Variants in SESTD1 observed in about 807,000 individuals in gnomAD.
SESTD1 encodes the protein SEC14 and spectrin domain containing 1, also known as SEC14 domain and spectrin repeat-containing protein 1.
In SESTD1, 43 loss-of-function variants were observed where a neutral mutation model predicts 101.7. The observed-to-expected ratio is 0.42, with a 90% CI of 0.33 to 0.55. The LOEUF is 0.55. Among genes scored for constraint, SESTD1 ranks in the 20% least tolerant of loss-of-function variants. SESTD1 has a pLI of 0.07. For synonymous variants in SESTD1, 283 were observed against 286.8 expected, an observed-to-expected ratio of 0.99 and a Z score of 0.13; for missense variants, 647 against 815.1, an observed-to-expected ratio of 0.79 and a Z score of 2.51.
chr2:179,252,022 A>T (rs1157083181), intron 1 of SESTD1, among the ~76,000 whole-genome samples: 1 of 152,230 alleles, frequency 6.6e-6, no homozygotes, highest in African/African-American at 2.4e-5. Context: ...ACAGTATCTG[A>T]TGTCAGCAAA....
Position 179,253,113 on chromosome 2 carries a change from C to A in SESTD1, c.-26+11386G>T, listed in dbSNP as rs532509988. Among the ~76,000 whole-genome samples, 68 of 152,222 alleles carry A rather than the reference C, an allele frequency of 4.5e-4. 2 individuals carry two copies. In the South Asian group the frequency reaches 0.013, roughly 30 times the overall value. On this transcript the variant is annotated intron_variant, in intron 1 of 17. Coordinates refer to ENST00000428443, the MANE Select transcript of SESTD1 (RefSeq NM_178123.5). ...CAAACATGGGAAAAGAGCAAAGGAC[C>A]ACCACCACTACTACCCCCATCCAGC...
At chr2:179,235,854 G>C (rs1000638305) in intron 1 of SESTD1, among the ~76,000 whole-genome samples, 2 of 152,118 alleles carry the variant, frequency 1.3e-5, no homozygotes, top group African/African-American at 4.8e-5. Context: ...GCAACTCTCT[G>C]AACTTGCAAT....
intron 5 of SESTD1, 51 bp from the exon 6 acceptor site, chr2:179,151,442 C>A (rs746311731): frequency 6.5e-5 from 87 of 1,337,016 alleles, no homozygotes; most frequent in Middle Eastern, 5.5e-4. Context: ...CTATTAAAAT[C>A]CACGAAAGTA....
Position 179,173,325 on chromosome 2 carries a change from G to A in SESTD1, c.256-1092C>T, listed in dbSNP as rs186041205. ...TTCTTCATAGCATTTATCACCATGG[G>A]CTGTTACGTTTGCTTAACTGCTTAT... On this transcript the variant is annotated intron_variant, in intron 4 of 17. Coordinates refer to ENST00000428443, the MANE Select transcript of SESTD1 (RefSeq NM_178123.5). Among the ~76,000 whole-genome samples, 174 of 152,042 alleles carry A rather than the reference G, an allele frequency of 1.1e-3. 1 individual carries two copies. Among genetic ancestry groups the A allele is most frequent in the Non-Finnish European group, 1.4e-3 (93 of 68,008 alleles).
intron 1 of SESTD1, among the ~76,000 whole-genome samples, chr2:179,208,226 T>G (rs1331858203): frequency 7.4e-6 from 1 of 135,020 alleles, no homozygotes; most frequent in Non-Finnish European, 1.6e-5. Flanking sequence ...TGAGATTATG[T>G]TAAAACAACC....
rs1574043892 is a variant in SESTD1 at position 179,218,349 on chromosome 2, A to C, written c.-25-26483T>G. Among the ~76,000 whole-genome samples the C allele has an allele frequency of 2.6e-5, 4 of 152,278 alleles. No individual in the cohort carries two copies. In the South Asian group the frequency reaches 8.3e-4, roughly 32 times the overall value. On this transcript the variant is annotated intron_variant, in intron 1 of 17. Transcript: ENST00000428443. ...GGCTAAGAAATGAAAGAATTAAGGA[A>C]TTCACAACATTCGTAACAAAAAAAA... is the stretch of plus-strand genomic sequence containing the variant.
At chr2:179,171,348 T>C (rs1047907928) in intron 5 of SESTD1, among the ~76,000 whole-genome samples, 24 of 152,176 alleles carry the variant, frequency 1.6e-4, no homozygotes, top group African/African-American at 5.8e-4. Flanking sequence ...CTTTTCTCCA[T>C]ACCAAAAATA....
At chr2:179,167,966 T>C (rs961427577) in intron 5 of SESTD1, among the ~76,000 whole-genome samples, 1 of 152,158 alleles carries the variant, frequency 6.6e-6, no homozygotes. Flanking sequence ...TTTCACCATA[T>C]TGGTCAGACC....
At chr2:179,141,085 A>G (rs1214428368) in intron 9 of SESTD1, among the ~76,000 whole-genome samples, 2 of 152,170 alleles carry the variant, frequency 1.3e-5, no homozygotes, top group African/African-American at 4.8e-5. Flanking sequence ...CGCACAGATG[A>G]CAAACAAATA....
intron 4 of SESTD1, among the ~76,000 whole-genome samples, chr2:179,173,670 G>A (rs1817803): frequency 1 from 152,214 of 152,302 alleles, 76,063 homozygotes; most frequent in Non-Finnish European, 1. Context: ...ACACTACTTC[G>A]TATGCTCTGA....
intron 4 of SESTD1, chr2:179,174,376 G>A (rs1575461639): frequency 4.5e-6 from 2 of 442,102 alleles, no homozygotes; most frequent in East Asian, 7.2e-5. Context: ...AATCGCAAGA[G>A]GGGATTAAAT....
intron 5 of SESTD1, chr2:179,162,545 C>T (rs982168093): frequency 6.6e-6 from 1 of 151,858 alleles, no homozygotes; most frequent in Non-Finnish European, 1.5e-5. Flanking sequence ...ATAAGAAAAA[C>T]TACCTAAATC....
intron 1 of SESTD1, among the ~76,000 whole-genome samples, chr2:179,255,050 G>A (rs1463336341): frequency 3.9e-5 from 6 of 152,102 alleles, no homozygotes; most frequent in Non-Finnish European, 5.9e-5. Flanking sequence ...ATAAGATGGC[G>A]AACTTAATCA....
intron 13 of SESTD1, 32 bp downstream of exon 13, chr2:179,121,738 T>C: frequency 6.6e-7 from 1 of 1,520,354 alleles, no homozygotes; most frequent in Non-Finnish European, 8.8e-7. Context: ...TGTTATTATT[T>C]TAGTAAAAAG....
At chr2:179,138,968 G>C (rs1357939823) in intron 9 of SESTD1, among the ~76,000 whole-genome samples, 1 of 147,078 alleles carries the variant, frequency 6.8e-6, no homozygotes, top group Non-Finnish European at 1.5e-5. Flanking sequence ...CCTTGTTATT[G>C]ATCTTTAGAA....
intron 10 of SESTD1, among the ~76,000 whole-genome samples, chr2:179,130,410 C>A (rs962185266): frequency 1.3e-5 from 2 of 151,976 alleles, no homozygotes; most frequent in African/African-American, 2.4e-5. Flanking sequence ...CACCCTTAAG[C>A]GATGTTTCTT....
At chr2:179,117,152 GA>G (rs2044652033) in intron 14 of SESTD1, among the ~76,000 whole-genome samples, 1 of 152,148 alleles carries the variant, frequency 6.6e-6, no homozygotes. Flanking sequence ...GTTCTCTGAT[GA>G]TAACGACAAA....
intron 8 of SESTD1, among the ~76,000 whole-genome samples, chr2:179,146,121 A>C (rs1327711399): frequency 2.6e-5 from 4 of 151,566 alleles, no homozygotes; most frequent in Non-Finnish European, 5.9e-5. Context: ...ATAGGAGCAC[A>C]AACTCTATTG....
At chr2:179,149,141 G>GCAAATTCATGTAAATTCTCACGAATT (rs1199667677) in intron 7 of SESTD1, among the ~76,000 whole-genome samples, 156 bp downstream of exon 7, 2 of 142,896 alleles carry the variant, frequency 1.4e-5, no homozygotes, top group Admixed American at 1.5e-4. Context: ...TACATGTAAA[G>GCAAATTCATGTAAATTCTCACGAATT]CAAATTCAAA....
Sources: gnomAD v4.1 joint callset for allele counts (sites outside exome capture counted in the v4.1 genomes callset) on GRCh38, gnomAD v4.1.1 for gene constraint, MANE v1.5 for transcripts, NCBI Gene and HGNC (gene_info 2026-07-23, HGNC 2026-07-21) for gene names.